POC1A: variants seen among roughly 807,000 people sequenced by gnomAD.
The protein encoded by POC1A is POC1 centriolar protein A, also known as POC1 centriolar protein homolog A.
In POC1A, 34 loss-of-function variants were observed where a neutral mutation model predicts 47.8. The observed-to-expected ratio is 0.71, with a 90% CI of 0.54 to 0.95. The LOEUF is 0.95. Among genes scored for constraint, POC1A ranks in the 40% least tolerant of loss-of-function variants. The pLI is 0.00. For synonymous variants in POC1A, 177 were observed against 207.6 expected (o/e 0.85, Z 1.27); for missense variants, 466 against 528.3 (o/e 0.88, Z 1.16).
chr3:52,083,416 C>A (rs543916943), intron 10 of POC1A, among the ~76,000 whole-genome samples: 1 of 152,128 alleles, frequency 6.6e-6, no homozygotes, highest in Non-Finnish European at 1.5e-5. Context: ...CCACTTTCTC[C>A]CCTCAGGTCT....
Position 52,149,918 on chromosome 3 carries a change from G to C in POC1A, c.173C>G (p.Thr58Ser). 2 of 1,613,976 alleles carry C rather than the reference G, an allele frequency of 1.2e-6. No individual in the cohort carries two copies. The highest frequency in any genetic ancestry group is 8.5e-7 in the Non-Finnish European group (1 of 1,180,026). The change falls in exon 3 of 11, where the codon ACT becomes AGT. Residue 58 changes from threonine (T) to serine (S), a missense_variant. Physicochemically the swap from Thr to Ser is moderately conservative, Grantham distance 58 (BLOSUM62 1). Coordinates refer to ENST00000296484, the MANE Select transcript of POC1A (RefSeq NM_015426.5). ...ACAGGTGACGGCATCCTTGTGGCCA[G>C]TGAAGCGGTAGGCGCGTGACTGCGG... is the stretch of plus-strand genomic sequence containing the variant. ...MKPQSRAYRF[T>S]GHKDAVTCVN...
chr3:52,151,029 G>A lies in POC1A; in HGVS notation c.90C>T (p.Asn30=), dbSNP rs941217913. The part of the protein sequence containing the change: ...DAVTCVDFSI[N]TKQLASGSMD... ...GCCTCTTCTTACCCAGCTGCTTTGT[G>A]TTGATACTGAAGTCCACACAGGTAA... The change falls in exon 2 of 11, where the codon AAC becomes AAT. Residue 30 remains asparagine, a synonymous_variant. Coordinates refer to ENST00000296484, the MANE Select transcript of POC1A (RefSeq NM_015426.5). The A allele has an allele frequency of 6.2e-7, 1 of 1,613,674 alleles. No homozygotes were observed. Among genetic ancestry groups the A allele is most frequent in the Non-Finnish European group, 8.5e-7 (1 of 1,179,834 alleles).
intron 7 of POC1A, among the ~76,000 whole-genome samples, chr3:52,127,615 G>A (rs1035456186): frequency 6.6e-6 from 1 of 151,408 alleles, no homozygotes; most frequent in Non-Finnish European, 1.5e-5. Flanking sequence ...GGATGGTCTC[G>A]ATCTCCTGAC....
At chr3:52,087,226 T>C (rs536200173) in intron 10 of POC1A, among the ~76,000 whole-genome samples, 42 of 152,280 alleles carry the variant, frequency 2.8e-4, no homozygotes, top group African/African-American at 7.7e-4. Context: ...CCCACCTCTG[T>C]CCTGGTCTGA....
At chr3:52,124,023 G>A (rs1403207152) in intron 8 of POC1A, among the ~76,000 whole-genome samples, 1 of 152,206 alleles carries the variant, frequency 6.6e-6, no homozygotes, top group Non-Finnish European at 1.5e-5. Context: ...TGGTCAAAGA[G>A]CCTCCAACTA....
chr3:52,103,142 G>A (rs894161612), intron 9 of POC1A, among the ~76,000 whole-genome samples: 2 of 152,232 alleles, frequency 1.3e-5, no homozygotes, highest in South Asian at 2.1e-4. Flanking sequence ...AAACAACTGA[G>A]TATCCACATG....
intron 9 of POC1A, among the ~76,000 whole-genome samples, chr3:52,096,938 T>C (rs1354247833): frequency 6.6e-6 from 1 of 152,190 alleles, no homozygotes; most frequent in Non-Finnish European, 1.5e-5. Context: ...CAGAATGCCT[T>C]GTGATCCAGG....
chr3:52,146,969 ACAGC>A lies in POC1A; in HGVS notation c.563+15_563+18del. 5.0e-6 allele frequency: 8 copies of A among 1,594,344 alleles called. No homozygotes were observed. The highest frequency in any genetic ancestry group is 6.9e-6 in the Non-Finnish European group (8 of 1,162,008). On this transcript the variant is annotated intron_variant, in intron 5 of 10. Coordinates refer to ENST00000296484, the MANE Select transcript of POC1A (RefSeq NM_015426.5). ...GTGCTTGAGCGCCTACAGGTGGAGG[ACAGC>A]ATCTGGGGACTCACCCGCCATGCTC...
chr3:52,100,733 G>A (rs773323270), intron 9 of POC1A, among the ~76,000 whole-genome samples: 4 of 152,094 alleles, frequency 2.6e-5, no homozygotes, highest in Non-Finnish European at 5.9e-5. Context: ...CTCCTCCACA[G>A]ACCTCCACTG....
rs933504559 is a variant in POC1A, at chr3:52,079,397, C to T, written c.1126-3412G>A. On this transcript the variant is annotated intron_variant, in intron 10 of 10. Coordinates refer to ENST00000296484, the MANE Select transcript of POC1A (RefSeq NM_015426.5). This position sits in a 1 kb window ranked among gnomAD's most constrained non-coding sequence, Gnocchi z 4.6. ...TCACCAGGCTGGAGACAAGGCCACA[C>T]CTGCCCTGGAGGGTGAGGAGGAGCG... 6.6e-6 allele frequency among the ~76,000 whole-genome samples: 1 copy of T among 152,268 alleles called. No homozygotes were observed. Among genetic ancestry groups the T allele is most frequent in the African/African-American group, 2.4e-5 (1 of 41,476 alleles).
At chr3:52,095,849 C>T (rs951051596) in intron 10 of POC1A, among the ~76,000 whole-genome samples, 9 of 152,234 alleles carry the variant, frequency 5.9e-5, no homozygotes, top group Non-Finnish European at 1.2e-4. Flanking sequence ...CTATTGCTGG[C>T]CACCACCTCT....
intron 7 of POC1A, among the ~76,000 whole-genome samples, chr3:52,126,174 C>T (rs771241054): frequency 3.9e-4 from 59 of 152,232 alleles, no homozygotes; most frequent in Non-Finnish European, 6.5e-4. Flanking sequence ...GTGCAGGGAG[C>T]GGCAAGAGCC....
chr3:52,101,003 G>C (rs2106993486), intron 9 of POC1A, among the ~76,000 whole-genome samples: 1 of 148,972 alleles, frequency 6.7e-6, no homozygotes, highest in South Asian at 2.1e-4. Context: ...GGACCGCTAA[G>C]AATGTCTCAC....
intron 9 of POC1A, among the ~76,000 whole-genome samples, chr3:52,106,406 C>T (rs1250883330): frequency 1.3e-5 from 2 of 152,116 alleles, no homozygotes; most frequent in African/African-American, 2.4e-5. Flanking sequence ...GCCTGTAGTC[C>T]CAGCTACTCA....
At chr3:52,094,895 C>G (rs1365843312) in intron 10 of POC1A, among the ~76,000 whole-genome samples, 1 of 152,150 alleles carries the variant, frequency 6.6e-6, no homozygotes, top group Non-Finnish European at 1.5e-5. Flanking sequence ...CACAGGCCAG[C>G]CTTCACTTAC....
chr3:52,150,021 T>C, intron 2 of POC1A, 34 bp from the exon 3 acceptor site: 3 of 1,580,426 alleles, frequency 1.9e-6, no homozygotes, highest in Non-Finnish European at 2.6e-6. Flanking sequence ...GACCTACAGC[T>C]CTAACAGGCT....
chr3:52,116,074 CCT>C (rs1446080889), intron 9 of POC1A, among the ~76,000 whole-genome samples: 5 of 152,102 alleles, frequency 3.3e-5, no homozygotes, highest in African/African-American at 4.8e-5. Flanking sequence ...GTCTCCTCTC[CCT>C]GTTTCTCCAA....
intron 7 of POC1A, among the ~76,000 whole-genome samples, chr3:52,127,143 A>C (rs1214353613): frequency 6.6e-6 from 1 of 152,192 alleles, no homozygotes; most frequent in Non-Finnish European, 1.5e-5. Context: ...AGGATAATAT[A>C]GATCCACTTT....
chr3:52,102,385 T>C (rs1703032947), intron 9 of POC1A, among the ~76,000 whole-genome samples: 1 of 152,220 alleles, frequency 6.6e-6, no homozygotes, highest in African/African-American at 2.4e-5. Context: ...CTGCCTTCCC[T>C]CTTTCAGCTT....
Sources: allele counts gnomAD v4.1 joint callset (sites outside exome capture counted in the v4.1 genomes callset), GRCh38; gene constraint gnomAD v4.1.1; non-coding constraint Gnocchi (gnomAD v3.1); transcripts MANE v1.5; gene names NCBI Gene and HGNC (gene_info 2026-07-23, HGNC 2026-07-21).